GALNT9: variants seen among roughly 807,000 people sequenced by gnomAD.
GALNT9 encodes GalNAc transferase 9.
GALNT9 carries 47 observed loss-of-function variants against 63.1 expected under a neutral mutation model. That is an observed-to-expected ratio of 0.75 (90% CI 0.59 to 0.95). The LOEUF is 0.95. Ranked by LOEUF, GALNT9 falls within the 40% of genes least tolerant of loss-of-function variation. The pLI, the probability that GALNT9 is intolerant of heterozygous loss-of-function variation, is 0.00. For missense variants in GALNT9, 829 were observed against 874.8 expected (o/e 0.95, Z 0.66); for synonymous variants, 396 against 365.7 (o/e 1.08, Z -0.94).
chr12:132,243,346 C>A (rs1199423613), intron 6 of GALNT9, among the ~76,000 whole-genome samples: 1 of 151,874 alleles, frequency 6.6e-6, no homozygotes. Flanking sequence ...GGGGGGCCAT[C>A]AGGGCCCCCA....
intron 1 of GALNT9, among the ~76,000 whole-genome samples, chr12:132,314,909 G>A (rs1240577445): frequency 6.6e-6 from 1 of 152,350 alleles, no homozygotes; most frequent in South Asian, 2.1e-4. Context: ...GCGGAAATGA[G>A]AAACCACAGT....
At chr12:132,249,916 G>A (rs1280418276) in intron 5 of GALNT9, among the ~76,000 whole-genome samples, 1 of 152,212 alleles carries the variant, frequency 6.6e-6, no homozygotes, top group Non-Finnish European at 1.5e-5. Context: ...GGTGCAGGGT[G>A]GAGGCCCCAG....
At chr12:132,206,369 G>A (rs1876695750) in intron 6 of GALNT9, among the ~76,000 whole-genome samples, 1 of 152,202 alleles carries the variant, frequency 6.6e-6, no homozygotes. Context: ...AAAACCAGCC[G>A]GGCACAGGGG....
chr12:132,226,640 C>A (rs1877701408), intron 6 of GALNT9, among the ~76,000 whole-genome samples: 1 of 144,116 alleles, frequency 6.9e-6, no homozygotes, highest in African/African-American at 2.6e-5. Context: ...CACATGCACC[C>A]CATGCACCCC....
intron 2 of GALNT9, among the ~76,000 whole-genome samples, chr12:132,272,023 G>A (rs550318641): frequency 2.2e-4 from 33 of 152,226 alleles, no homozygotes; most frequent in African/African-American, 7.7e-4. Flanking sequence ...CAGAGGCTGC[G>A]CTCGAGGGCG....
intron 1 of GALNT9, among the ~76,000 whole-genome samples, chr12:132,304,702 C>G (rs369667215): frequency 2.1e-5 from 1 of 47,070 alleles, no homozygotes. Flanking sequence ...CCCAGACACA[C>G]CCTCACCTGG....
intron 1 of GALNT9, among the ~76,000 whole-genome samples, chr12:132,292,713 C>T (rs1464142929): frequency 2.0e-5 from 3 of 152,270 alleles, no homozygotes; most frequent in East Asian, 3.9e-4. Flanking sequence ...CAGGGCGGGG[C>T]GTGCGAAGGA....
At chr12:132,318,734 G>A (rs1868643031) in intron 1 of GALNT9, among the ~76,000 whole-genome samples, 1 of 152,170 alleles carries the variant, frequency 6.6e-6, no homozygotes. Flanking sequence ...CCCTCCTCTC[G>A]TCTGCCTGGC....
At chr12:132,292,264 C>T (rs966238184) in intron 1 of GALNT9, among the ~76,000 whole-genome samples, 3 of 152,236 alleles carry the variant, frequency 2.0e-5, no homozygotes, top group African/African-American at 4.8e-5. Flanking sequence ...TCTACCCCAG[C>T]GCCTCATGTG....
chr12:132,216,359 C>A (rs890568539), intron 6 of GALNT9, among the ~76,000 whole-genome samples: 6 of 152,224 alleles, frequency 3.9e-5, no homozygotes, highest in Non-Finnish European at 8.8e-5. Flanking sequence ...ACAGGGAGAA[C>A]AATGTGGAGG....
chr12:132,301,512 T>C (rs1881295050), intron 1 of GALNT9, among the ~76,000 whole-genome samples: 2 of 152,244 alleles, frequency 1.3e-5, no homozygotes, highest in East Asian at 3.8e-4. Context: ...TCCATGGGGC[T>C]GCCCCATCGT....
chr12:132,261,171 G>T, intron 3 of GALNT9, 49 bp from the exon 4 acceptor site: 1 of 1,541,526 alleles, frequency 6.5e-7, no homozygotes, highest in Non-Finnish European at 8.7e-7. Flanking sequence ...GGCAGGCGCG[G>T]GGCCACCAAG....
At chr12:132,204,944 CCCA>C (rs1876555433) in intron 6 of GALNT9, among the ~76,000 whole-genome samples, 1 of 152,080 alleles carries the variant, frequency 6.6e-6, no homozygotes, top group South Asian at 2.1e-4. Context: ...CCTGAATCCC[CCCA>C]CCACCCGAGA....
At chr12:132,324,211 A>G (rs1555246336) in intron 1 of GALNT9, among the ~76,000 whole-genome samples, 1 of 151,870 alleles carries the variant, frequency 6.6e-6, no homozygotes, top group East Asian at 1.9e-4. Context: ...CACACCTGAC[A>G]CCCTCCGGAG....
In GALNT9 at chr12:132,329,305, C is replaced by A; in HGVS notation, c.-102G>T. ...TTCGGGGACCATGAGCCGCCCGGGGCTGCGGGGGCTGCGGGGCTCGGCCGG... is the reference window on the plus strand; with the variant it reads ...TTCGGGGACCATGAGCCGCCCGGGGATGCGGGGGCTGCGGGGCTCGGCCGG... On this transcript the variant is annotated 5_prime_UTR_variant, in exon 1 of 11. Transcript: ENST00000328957. The A allele has an allele frequency of 1.4e-6, 2 of 1,425,424 alleles. No individual in the cohort carries two copies. Among genetic ancestry groups the A allele is most frequent in the Non-Finnish European group, 9.2e-7 (1 of 1,082,814 alleles). 88.3% of individuals were successfully genotyped at this position (1,425,424 alleles called of 1,614,324 possible).
chr12:132,320,321 A>T (rs1289997516), intron 1 of GALNT9, among the ~76,000 whole-genome samples: 1 of 152,150 alleles, frequency 6.6e-6, no homozygotes, highest in Non-Finnish European at 1.5e-5. Context: ...CGCCTCGAGG[A>T]CGCGGGTGCG....
chr12:132,237,605 C>T (rs1555236432), intron 6 of GALNT9, among the ~76,000 whole-genome samples: 1 of 148,340 alleles, frequency 6.7e-6, no homozygotes, highest in African/African-American at 2.6e-5. Context: ...CTGCTCACAC[C>T]ACACACCTGC....
chr12:132,329,358 C>T lies in GALNT9; in HGVS notation c.-155G>A. On this transcript the variant is annotated 5_prime_UTR_variant, in exon 1 of 11. Coordinates refer to ENST00000328957, the MANE Select transcript of GALNT9 (RefSeq NM_001122636.2). ...CTGTCCCTTCAGCACCAGCTCAGCG[C>T]GCCGGGCCACGGCCGCCGGGGGTCC... 1 of 1,158,912 alleles carries T rather than the reference C, an allele frequency of 8.6e-7. No homozygotes were observed. Among genetic ancestry groups the T allele is most frequent in the South Asian group, 2.1e-5 (1 of 47,090 alleles). The allele number at this position is 1,158,912 out of a possible 1,614,324, so 71.8% of individuals were successfully genotyped here. A position where few individuals can be genotyped will look rare whatever the true frequency, so the allele number is the denominator to read the frequency against.
At chr12:132,247,319 C>A in intron 6 of GALNT9, 1 of 341,728 alleles carries the variant, frequency 2.9e-6, no homozygotes, top group Non-Finnish European at 5.8e-6. Flanking sequence ...TCATAAACAG[C>A]AAAACAAAGG....
Sources: gnomAD v4.1 joint callset for allele counts (sites outside exome capture counted in the v4.1 genomes callset) on GRCh38, gnomAD v4.1.1 for gene constraint, MANE v1.5 for transcripts, NCBI Gene and HGNC (gene_info 2026-07-23, HGNC 2026-07-21) for gene names.